UNC13C: variants seen among roughly 807,000 people sequenced by gnomAD.
The protein encoded by UNC13C is unc-13 homolog C.
A neutral mutation model predicts 245.4 loss-of-function variants in UNC13C; 174 were observed. The ratio of observed to expected loss-of-function variants is 0.71; its 90% CI spans 0.63 to 0.80. The LOEUF is 0.80. UNC13C is among the 30% of genes least tolerant of loss of function. UNC13C has a pLI of 0.00. For missense variants in UNC13C, 2,829 were observed against 2,602.9 expected (o/e 1.09, Z -1.89); for synonymous variants, 992 against 895.1 (o/e 1.11, Z -1.93).
intron 4 of UNC13C, among the ~76,000 whole-genome samples, chr15:54,165,218 G>A (rs968272072): frequency 6.6e-6 from 1 of 151,972 alleles, no homozygotes; most frequent in African/African-American, 2.4e-5. Flanking sequence ...GTGTATATAT[G>A]TGATTTTCAT....
At chr15:54,076,901 T>A (rs1048688796) in intron 2 of UNC13C, among the ~76,000 whole-genome samples, 1 of 152,232 alleles carries the variant, frequency 6.6e-6, no homozygotes, top group Non-Finnish European at 1.5e-5. Flanking sequence ...TTTAGAGAAA[T>A]TATTATAAAA....
rs549359240 is a variant in UNC13C at position 54,178,289 on chromosome 15, T to G, written c.3071+34605T>G. On this transcript the variant is annotated intron_variant, in intron 4 of 32. Coordinates refer to ENST00000260323, the MANE Select transcript of UNC13C (RefSeq NM_001080534.3). ...AAAGAGGGATTCCTCCCTCCCCATATCTTCTCTCCACATGATCTTTCTCTG... is the reference window on the plus strand; with the variant it reads ...AAAGAGGGATTCCTCCCTCCCCATAGCTTCTCTCCACATGATCTTTCTCTG... Among the ~76,000 whole-genome samples, 14 of 152,166 alleles carry G rather than the reference T, an allele frequency of 9.2e-5. No homozygotes were observed. The East Asian group carries it at 1.6e-3, about 17-fold the overall frequency.
In UNC13C at chr15:54,352,357, G is replaced by A. The variant is rs192716955; in HGVS notation, c.4713+13868G>A. On this transcript the variant is annotated intron_variant, in intron 17 of 32. Coordinates refer to ENST00000260323, the MANE Select transcript of UNC13C (RefSeq NM_001080534.3). ...ATATAAATGTATATATATATATAGA[G>A]AGAGAGAGAGTGAGTCAGGTTATCC... is the stretch of plus-strand genomic sequence containing the variant. Among the ~76,000 whole-genome samples the A allele has an allele frequency of 2.7e-5, 4 of 147,396 alleles. No homozygotes were observed. In the East Asian group the frequency reaches 7.9e-4, roughly 29 times the overall value.
upstream of UNC13C, among the ~76,000 whole-genome samples, chr15:53,977,376 C>A (rs1299662525): frequency 6.6e-6 from 1 of 152,064 alleles, no homozygotes; most frequent in South Asian, 2.1e-4. Flanking sequence ...ATTTTGATGG[C>A]AACTATTATT....
In UNC13C at chr15:54,141,700, C is replaced by A. The variant is rs182504208; in HGVS notation, c.2984-1318C>A. Among the ~76,000 whole-genome samples, 14 of 151,970 alleles carry A rather than the reference C, an allele frequency of 9.2e-5. No homozygotes were observed. The East Asian group carries it at 2.5e-3, about 27-fold the overall frequency. On this transcript the variant is annotated intron_variant, in intron 2 of 32. Transcript: ENST00000260323. Reference sequence around the variant, plus strand: ...TTCTTGAATATGGTATATTATTCTTCTGCGGTAATGCTAAATTTTATTTAT... The same window carrying A: ...TTCTTGAATATGGTATATTATTCTTATGCGGTAATGCTAAATTTTATTTAT...
At chr15:53,986,798 A>G (rs752376697) in intron 1 of UNC13C, among the ~76,000 whole-genome samples, 7 of 152,024 alleles carry the variant, frequency 4.6e-5, no homozygotes, top group Non-Finnish European at 1.0e-4. Flanking sequence ...CATCAGATGA[A>G]ACTGGACCAA....
intron 4 of UNC13C, among the ~76,000 whole-genome samples, chr15:54,228,780 G>T (rs181089490): frequency 6.6e-6 from 1 of 152,232 alleles, no homozygotes; most frequent in East Asian, 1.9e-4. Context: ...CAAGAAAAGG[G>T]AAAGTGTCTA....
At chr15:54,467,609 A>T (rs1420875876) in intron 19 of UNC13C, among the ~76,000 whole-genome samples, 1 of 151,710 alleles carries the variant, frequency 6.6e-6, no homozygotes, top group Non-Finnish European at 1.5e-5. Flanking sequence ...CTATGGTTTC[A>T]CTAATATATC....
intron 10 of UNC13C, among the ~76,000 whole-genome samples, chr15:54,289,467 C>T (rs1264690353): frequency 6.6e-6 from 1 of 152,096 alleles, no homozygotes; most frequent in Non-Finnish European, 1.5e-5. Context: ...CTCTCTGTGC[C>T]AGCATCTCCT....
At chr15:54,395,571 C>T (rs1420593850) in intron 18 of UNC13C, among the ~76,000 whole-genome samples, 1 of 151,750 alleles carries the variant, frequency 6.6e-6, no homozygotes, top group Non-Finnish European at 1.5e-5. Context: ...GAAGGACATG[C>T]TAAAAGTAGC....
intron 4 of UNC13C, among the ~76,000 whole-genome samples, chr15:54,222,459 T>C (rs547348115): frequency 6.6e-6 from 1 of 152,250 alleles, no homozygotes; most frequent in South Asian, 2.1e-4. Flanking sequence ...TAGTACTTCA[T>C]TGTGTATAGG....
chr15:54,015,295 G>A lies in UNC13C; in HGVS notation c.2392G>A (p.Gly798Arg), dbSNP rs1298293680. The A allele has an allele frequency of 1.5e-6, 2 of 1,354,106 alleles. No homozygotes were observed. The highest frequency in any genetic ancestry group is 4.0e-5 in the African/African-American group (2 of 50,360). The allele number at this position is 1,354,106 out of a possible 1,614,324, so 83.9% of individuals were successfully genotyped here. ...TAAGACTTTCAGCTTCCCAAAATTT[G>A]GATCTACACTGCAGAGGGCTAAATC... ...SDKTFSFPKFGSTLQRAKSAL... is the reference protein window; with the variant it reads ...SDKTFSFPKFRSTLQRAKSAL... Residue 798 changes from glycine to arginine, a missense_variant, in exon 2 of 33, where the codon GGA becomes AGA. Gly to Arg is a moderately radical substitution (Grantham distance 125). Coordinates refer to ENST00000260323, the MANE Select transcript of UNC13C (RefSeq NM_001080534.3).
chr15:54,375,787 A>G (rs542120081), intron 17 of UNC13C, among the ~76,000 whole-genome samples: 3 of 152,352 alleles, frequency 2.0e-5, no homozygotes, highest in East Asian at 3.9e-4. Flanking sequence ...CACCACCGCC[A>G]GCCAATGGCT....
chr15:53,868,129 C>T, the UNC13C span, among the ~76,000 whole-genome samples: 1 of 152,182 alleles, frequency 6.6e-6, no homozygotes, highest in Non-Finnish European at 1.5e-5. Flanking sequence ...GCCACCATTC[C>T]TGGCCACAAG....
intron 13 of UNC13C, among the ~76,000 whole-genome samples, chr15:54,307,388 A>G (rs192115199): frequency 1.3e-5 from 2 of 152,034 alleles, no homozygotes; most frequent in Non-Finnish European, 2.9e-5. Context: ...GGGGCTCCCC[A>G]CTTATGATCT....
At chr15:53,869,045 G>C in the UNC13C span, among the ~76,000 whole-genome samples, 3 of 152,128 alleles carry the variant, frequency 2.0e-5, no homozygotes, top group African/African-American at 2.4e-5. Context: ...GGAGGTCAAG[G>C]CTGCATTGAT....
chr15:54,236,472 A>C (rs1342537934), intron 6 of UNC13C, 37 bp downstream of exon 6: 6 of 1,569,428 alleles, frequency 3.8e-6, no homozygotes, highest in Non-Finnish European at 5.2e-6. Context: ...AATATTTTGC[A>C]GTCTTCTCAA....
At chr15:54,162,676 T>A (rs2033022066) in intron 4 of UNC13C, among the ~76,000 whole-genome samples, 1 of 152,212 alleles carries the variant, frequency 6.6e-6, no homozygotes, top group Non-Finnish European at 1.5e-5. Flanking sequence ...TGGAACTTTC[T>A]CCATCTCCTT....
chr15:54,027,578 C>T (rs1052669804), intron 2 of UNC13C, among the ~76,000 whole-genome samples: 1 of 152,082 alleles, frequency 6.6e-6, no homozygotes, highest in African/African-American at 2.4e-5. Context: ...ATCATGTTGG[C>T]CAGGCTGGAC....
Sources: gnomAD v4.1 joint callset for allele counts (sites outside exome capture counted in the v4.1 genomes callset) on GRCh38, gnomAD v4.1.1 for gene constraint, MANE v1.5 for transcripts, NCBI Gene and HGNC (gene_info 2026-07-23, HGNC 2026-07-21) for gene names.